Variants in CDK5RAP2 observed in about 807,000 individuals in gnomAD.
CDK5RAP2 encodes CDK5 regulatory subunit-associated protein 2.
In CDK5RAP2, 147 loss-of-function variants were observed where a neutral mutation model predicts 232.9. The ratio of observed to expected loss-of-function variants is 0.63; its 90% CI spans 0.55 to 0.72. CDK5RAP2 has a LOEUF of 0.72. CDK5RAP2 is among the 30% of genes least tolerant of loss of function. The probability of loss-of-function intolerance (pLI) is 0.00; values close to 1 mark genes in which losing one functional copy is unlikely to be tolerated. For synonymous variants in CDK5RAP2, 833 were observed against 833.7 expected (o/e 1.00, Z 0.01); for missense variants, 2,195 against 2,231.5 (o/e 0.98, Z 0.33).
intron 16 of CDK5RAP2, among the ~76,000 whole-genome samples, chr9:120,470,906 T>C (rs1030041185): frequency 1.4e-4 from 21 of 152,180 alleles, no homozygotes; most frequent in African/African-American, 4.8e-4. Context: ...ACATCTAAAA[T>C]ACAGTGCAGA....
Position 120,400,811 on chromosome 9 carries a change from G to A in CDK5RAP2, c.5382C>T (p.Tyr1794=), listed in dbSNP as rs1162154468. 31 of 1,614,100 alleles carry A rather than the reference G, an allele frequency of 1.9e-5. No individual in the cohort carries two copies. Among genetic ancestry groups the A allele is most frequent in the Non-Finnish European group, 2.5e-5 (30 of 1,180,036 alleles). ...CTCTCCAGAGAAGCTTCAGCCGCCT[G>A]TAGGCCTCTTCCAGGGTCAGCTTGG... The part of the protein sequence containing the change: ...STAKLTLEEA[Y]RRLKLLWRVS... Residue 1794 remains tyrosine, a synonymous_variant, in exon 35 of 38, where the codon TAC becomes TAT. Transcript: ENST00000349780.
chr9:120,452,504 C>A (rs1187603811), intron 21 of CDK5RAP2, among the ~76,000 whole-genome samples: 2 of 151,932 alleles, frequency 1.3e-5, no homozygotes, highest in African/African-American at 4.8e-5. Flanking sequence ...AGAATATCAA[C>A]AGCCTTCACT....
At chr9:120,565,324 G>A (rs73660583) in intron 3 of CDK5RAP2, among the ~76,000 whole-genome samples, 3,720 of 151,898 alleles carry the variant, frequency 0.024, 170 homozygotes, top group African/African-American at 0.086. Flanking sequence ...CCTCCCTTTG[G>A]GCCCACAACA....
chr9:120,389,834 G>A, intron 36 of CDK5RAP2, 47 bp from the exon 37 acceptor site: 1 of 1,582,508 alleles, frequency 6.3e-7, no homozygotes, highest in South Asian at 1.1e-5. Context: ...TGGATATCCA[G>A]GAGAGCTGTG....
In CDK5RAP2 at chr9:120,394,542, T is replaced by C; in HGVS notation, c.5548A>G (p.Lys1850Glu). 6.2e-7 allele frequency: 1 copy of C among 1,614,194 alleles called. No individual in the cohort carries two copies. Among genetic ancestry groups the C allele is most frequent in the Non-Finnish European group, 8.5e-7 (1 of 1,180,026 alleles). Residue 1850 changes from lysine (K) to glutamate (E), a missense_variant, in exon 36 of 38, where the codon AAG becomes GAG. Coordinates refer to ENST00000349780, the MANE Select transcript of CDK5RAP2 (RefSeq NM_018249.6). ...TCAAAGATGACTTTTTCCTGGCGCT[T>C]GCTCAGCTGCAAAAGCTTCATGGTG... Reference protein sequence around the residue: ...QNTMKLLQLSKRQEKVIFDQL... With the variant: ...QNTMKLLQLSERQEKVIFDQL...
rs760996290 is a variant in CDK5RAP2 at position 120,443,737 on chromosome 9, G to T, written c.3031C>A (p.Pro1011Thr). ...TPDKTLLNAQ[P>T]PVGAAYQDSP... ...TCCTGGTAGGCTGCTCCCACAGGGG[G>T]CTGAGCTACAGGCAATCACAAAGAG... The change falls in exon 23 of 38, where the codon CCC becomes ACC. Residue 1011 changes from proline (P) to threonine (T), a missense_variant. Pro to Thr is a conservative substitution (Grantham distance 38). Transcript: ENST00000349780. 2 of 1,613,888 alleles carry T rather than the reference G, an allele frequency of 1.2e-6. No homozygotes were observed. The highest frequency in any genetic ancestry group is 1.7e-6 in the Non-Finnish European group (2 of 1,179,994).
At chr9:120,426,114 G>A (rs1365641680) in intron 25 of CDK5RAP2, among the ~76,000 whole-genome samples, 6 of 152,166 alleles carry the variant, frequency 3.9e-5, no homozygotes, top group African/African-American at 1.4e-4. Context: ...TTCTTAGGAG[G>A]AAAAACCCTC....
At chr9:120,462,597 A>G (rs1407451353) in intron 18 of CDK5RAP2, among the ~76,000 whole-genome samples, 1 of 152,258 alleles carries the variant, frequency 6.6e-6, no homozygotes, top group Non-Finnish European at 1.5e-5. Context: ...AACTTGATGC[A>G]CTAACCACAT....
chr9:120,507,395 C>T (rs1487247824), intron 12 of CDK5RAP2, among the ~76,000 whole-genome samples: 1 of 152,110 alleles, frequency 6.6e-6, no homozygotes, highest in Non-Finnish European at 1.5e-5. Context: ...ACCAAAGCAA[C>T]ATAGGTAAAA....
chr9:120,471,624 G>A (rs1307556875), intron 16 of CDK5RAP2, 124 bp downstream of exon 16: 28 of 1,365,962 alleles, frequency 2.0e-5, no homozygotes, highest in South Asian at 1.8e-4. Context: ...ACCACAAAAA[G>A]GATCTCCAAA....
chr9:120,542,187 G>C (rs994922727), intron 5 of CDK5RAP2, among the ~76,000 whole-genome samples: 1 of 152,192 alleles, frequency 6.6e-6, no homozygotes, highest in African/African-American at 2.4e-5. Flanking sequence ...ACATACTGCT[G>C]GGTGCTAGGA....
chr9:120,533,964 G>C (rs949157891), intron 7 of CDK5RAP2, among the ~76,000 whole-genome samples: 12 of 151,892 alleles, frequency 7.9e-5, no homozygotes, highest in Admixed American at 5.2e-4. Flanking sequence ...CTCCACTTTG[G>C]TCACCATCAG....
intron 11 of CDK5RAP2, among the ~76,000 whole-genome samples, chr9:120,523,938 C>T (rs920077602): frequency 1.3e-5 from 2 of 152,138 alleles, no homozygotes; most frequent in Non-Finnish European, 2.9e-5. Flanking sequence ...AGGTCAAAAA[C>T]ATCAAGGTCT....
In CDK5RAP2 at chr9:120,567,197, A is replaced by G. The variant is rs150739690; in HGVS notation, c.195+1124T>C. Among the ~76,000 whole-genome samples, 24 of 152,362 alleles carry G rather than the reference A, an allele frequency of 1.6e-4. 1 individual carries two copies. In the East Asian group the frequency reaches 4.4e-3, roughly 28 times the overall value. On this transcript the variant is annotated intron_variant, in intron 3 of 37. Coordinates refer to ENST00000349780, the MANE Select transcript of CDK5RAP2 (RefSeq NM_018249.6). ...CGTTTGAGGCCCCAGACCCCACAGC[A>G]TAGATCGAGTTGTACAGCTGAAATT...
At chr9:120,493,842 A>C (rs1313261212) in intron 12 of CDK5RAP2, among the ~76,000 whole-genome samples, 1 of 152,256 alleles carries the variant, frequency 6.6e-6, no homozygotes, top group Non-Finnish European at 1.5e-5. Context: ...CTGTCATCTC[A>C]GCACTTTGGG....
chr9:120,476,073 C>T (rs2037991945), intron 15 of CDK5RAP2, among the ~76,000 whole-genome samples: 2 of 152,068 alleles, frequency 1.3e-5, no homozygotes, highest in African/African-American at 4.8e-5. Flanking sequence ...GGGTAGGAAA[C>T]ACAGGTGAAG....
rs1404658290 is a variant in CDK5RAP2 at position 120,529,051 on chromosome 9, C to G, written c.826-254G>C. 5 of 566,174 alleles carry G rather than the reference C, an allele frequency of 8.8e-6. 1 individual carries two copies. Among genetic ancestry groups the G allele is most frequent in the South Asian group, 6.3e-5 (3 of 47,544 alleles). 35.1% of individuals were successfully genotyped at this position (566,174 alleles called of 1,614,324 possible). ...GAGAGTAAACCACAGTGCTGCTTAA[C>G]AAGACAAAGGCCTACTAGAGGGCCG... On this transcript the variant is annotated intron_variant, in intron 8 of 37. Transcript: ENST00000349780.
chr9:120,530,548 C>T (rs2041104344), intron 7 of CDK5RAP2, among the ~76,000 whole-genome samples: 1 of 152,198 alleles, frequency 6.6e-6, no homozygotes, highest in African/African-American at 2.4e-5. Context: ...AACGGAATGT[C>T]TTGCCAAGAC....
intron 13 of CDK5RAP2, among the ~76,000 whole-genome samples, chr9:120,488,078 G>C (rs1458231370): frequency 2.6e-5 from 4 of 152,110 alleles, no homozygotes; most frequent in African/African-American, 9.7e-5. Flanking sequence ...CAGGACCGGA[G>C]ACCATATCTC....
Sources: allele counts gnomAD v4.1 joint callset (sites outside exome capture counted in the v4.1 genomes callset), GRCh38; gene constraint gnomAD v4.1.1; transcripts MANE v1.5; gene names NCBI Gene and HGNC (gene_info 2026-07-23, HGNC 2026-07-21).